Variants in SMARCB1 observed in about 807,000 individuals in gnomAD.
The protein encoded by SMARCB1 is SWI/SNF related BAF chromatin remodeling complex subunit B1, also known as SWI/SNF-related matrix-associated actin-dependent regulator of chromatin subfamily B member 1.
Under a neutral mutation model 49.0 loss-of-function variants are expected in SMARCB1, and 5 were observed. The observed-to-expected ratio is 0.10, with a 90% confidence interval of 0.05 to 0.21. The LOEUF is 0.21. Among genes scored for constraint, SMARCB1 ranks in the 10% least tolerant of loss-of-function variants. The pLI, the probability that SMARCB1 is intolerant of heterozygous loss-of-function variation, is 1.00. For missense variants in SMARCB1, 226 were observed against 509.2 expected (o/e 0.44, Z 5.35); for synonymous variants, 201 against 200.1 (o/e 1.00, Z -0.04).
intron 5 of SMARCB1, among the ~76,000 whole-genome samples, chr22:23,811,355 G>C (rs1929859322): frequency 6.6e-6 from 1 of 152,146 alleles, no homozygotes; most frequent in African/African-American, 2.4e-5. Context: ...TGGAAAATCA[G>C]CAAAACGATG....
At chr22:23,820,547 C>T (rs116230375) in intron 6 of SMARCB1, among the ~76,000 whole-genome samples, 18,837 of 152,232 alleles carry the variant, frequency 0.12, 1,252 homozygotes, top group South Asian at 0.27. Flanking sequence ...GCAGTCCAGC[C>T]TGGCTGACAG....
intron 7 of SMARCB1, among the ~76,000 whole-genome samples, chr22:23,829,455 G>C (rs1006317841): frequency 1.3e-5 from 2 of 152,182 alleles, no homozygotes; most frequent in African/African-American, 4.8e-5. Flanking sequence ...ACACGTACAG[G>C]GTGGGGATGA....
chr22:23,837,111 G>T lies in SMARCB1; in HGVS notation c.*2931G>T, dbSNP rs763235393. On this transcript the variant is annotated 3_prime_UTR_variant, in exon 9 of 9. Coordinates refer to ENST00000644036, the MANE Select transcript of SMARCB1 (RefSeq NM_003073.5). ...GCCTCTTGCCTCCAGGCTGGTTGGG[G>T]AAGACGTCCTCCAGGAAGTAGTAGA... The T allele has an allele frequency of 1.1e-5, 17 of 1,614,004 alleles. 1 individual carries two copies. In the South Asian group the frequency reaches 1.9e-4, roughly 18 times the overall value.
intron 5 of SMARCB1, among the ~76,000 whole-genome samples, chr22:23,812,360 G>T (rs529776001): frequency 2.6e-5 from 4 of 152,010 alleles, no homozygotes; most frequent in Non-Finnish European, 4.4e-5. Context: ...AAATCTCTGG[G>T]CCCATATGAT....
At position 23,798,988 on chromosome 22, in the gene SMARCB1, T is replaced by G. The variant is rs143657841; in HGVS notation, c.363-1956T>G. Among the ~76,000 whole-genome samples, 419 of 149,692 alleles carry G rather than the reference T, an allele frequency of 2.8e-3. 2 individuals are homozygous for G. The highest frequency in any genetic ancestry group is 9.5e-3 in the African/African-American group (386 of 40,574). ...TGGCGTGAACCCGGGAGGCAGACCTTGCATTGAGCCCAGATGGCGCCACTG... is the reference window on the plus strand; with the variant it reads ...TGGCGTGAACCCGGGAGGCAGACCTGGCATTGAGCCCAGATGGCGCCACTG... On this transcript the variant is annotated intron_variant, in intron 3 of 8. Coordinates refer to ENST00000644036, the MANE Select transcript of SMARCB1 (RefSeq NM_003073.5).
intron 3 of SMARCB1, 25 bp from the exon 4 acceptor site, chr22:23,800,919 G>A (rs760955141): frequency 3.1e-6 from 5 of 1,587,550 alleles, no homozygotes; most frequent in Non-Finnish European, 3.5e-6. Flanking sequence ...TACTGACTGG[G>A]AGGACTTTTC....
chr22:23,834,732 A>T lies in SMARCB1; in HGVS notation c.*552A>T. On this transcript the variant is annotated 3_prime_UTR_variant, in exon 9 of 9. Transcript: ENST00000644036. ...GCTCCCCTCAGCCTGTTCTCCTTCC[A>T]GACCCAGAGAGCTGAGAAGAGTAGC... is the stretch of plus-strand genomic sequence containing the variant. 1 of 1,466,926 alleles carries T rather than the reference A, an allele frequency of 6.8e-7. No homozygotes were observed. The highest frequency in any genetic ancestry group is 1.4e-5 in the African/African-American group (1 of 71,182). The allele number at this position is 1,466,926 out of a possible 1,614,324, so 90.9% of individuals were successfully genotyped here. A position where few individuals can be genotyped will look rare whatever the true frequency, so the allele number is the denominator to read the frequency against.
At chr22:23,810,658 G>A (rs2145997115) in intron 5 of SMARCB1, among the ~76,000 whole-genome samples, 1 of 152,214 alleles carries the variant, frequency 6.6e-6, no homozygotes, top group East Asian at 1.9e-4. Flanking sequence ...CTCCTCTTGG[G>A]TTTAACAAAT....
intron 6 of SMARCB1, chr22:23,824,941 G>A (rs1385282660): frequency 7.5e-6 from 4 of 535,876 alleles, no homozygotes; most frequent in Non-Finnish European, 1.4e-5. Flanking sequence ...GGGCACAGGG[G>A]AGATGGGATG....
intron 3 of SMARCB1, among the ~76,000 whole-genome samples, chr22:23,799,023 C>T (rs1397213449): frequency 2.0e-5 from 3 of 150,660 alleles, no homozygotes; most frequent in South Asian, 2.1e-4. Flanking sequence ...GTACTCCAGC[C>T]CAGGCGACAG....
At chr22:23,798,087 G>C (rs1928892605) in intron 3 of SMARCB1, among the ~76,000 whole-genome samples, 2 of 150,394 alleles carry the variant, frequency 1.3e-5, no homozygotes, top group Admixed American at 1.3e-4. Flanking sequence ...CAGGGGCTCA[G>C]CCCAGGCTCT....
intron 4 of SMARCB1, 143 bp from the exon 5 acceptor site, chr22:23,803,152 C>A: frequency 9.1e-7 from 1 of 1,096,128 alleles, no homozygotes; most frequent in Non-Finnish European, 1.4e-6. Context: ...CTAGCCTCGT[C>A]TGCTGCCTCA....
chr22:23,834,439 G>A lies in SMARCB1; in HGVS notation c.*259G>A. The A allele has an allele frequency of 3.2e-6, 2 of 621,848 alleles. No individual in the cohort carries two copies. The highest frequency in any genetic ancestry group is 5.8e-6 in the Non-Finnish European group (2 of 343,904). 38.5% of individuals were successfully genotyped at this position (621,848 alleles called of 1,614,324 possible). A position where few individuals can be genotyped will look rare whatever the true frequency, so the allele number is the denominator to read the frequency against. ...GAAACCTTATTTTAGGTTGTGTTTT[G>A]TTTTTGTATAGGAGCCCCAGGCAGG... On this transcript the variant is annotated 3_prime_UTR_variant, in exon 9 of 9. Coordinates refer to ENST00000644036, the MANE Select transcript of SMARCB1 (RefSeq NM_003073.5).
At chr22:23,822,590 G>A (rs1040471818) in intron 6 of SMARCB1, among the ~76,000 whole-genome samples, 10 of 152,180 alleles carry the variant, frequency 6.6e-5, no homozygotes, top group Non-Finnish European at 1.3e-4. Context: ...CTCTGTGGAA[G>A]CCAAGCCTGT....
At position 23,837,050 on chromosome 22, in the gene SMARCB1, C is replaced by A. The variant is rs372803050; in HGVS notation, c.*2870C>A. 4.8e-5 allele frequency: 77 copies of A among 1,613,594 alleles called. No homozygotes were observed. The highest frequency in any genetic ancestry group is 6.4e-5 in the Non-Finnish European group (75 of 1,179,768). The stretch of plus-strand genomic sequence containing the variant: ...TGAGGGTGGGGAGAGGGAGGGAGGG[C>A]TCTCAACACTCACAGGAAGCCAGGG... On this transcript the variant is annotated 3_prime_UTR_variant, in exon 9 of 9. Transcript: ENST00000644036.
Position 23,834,944 on chromosome 22 carries a change from C to T in SMARCB1, c.*764C>T, listed in dbSNP as rs2030924158. The T allele has an allele frequency of 2.5e-6, 4 of 1,598,572 alleles. No homozygotes were observed. The highest frequency in any genetic ancestry group is 3.4e-6 in the Non-Finnish European group (4 of 1,174,458). On this transcript the variant is annotated 3_prime_UTR_variant, in exon 9 of 9. Transcript: ENST00000644036. ...TGCTCTGAAGTCCCCTGCGGAGGGC[C>T]CAGTCCTGTGTGGGCACTGCTGGGC... is the stretch of plus-strand genomic sequence containing the variant.
intron 3 of SMARCB1, 57 bp downstream of exon 3, chr22:23,793,745 C>A (rs1349051098): frequency 1.3e-6 from 2 of 1,503,724 alleles, no homozygotes; most frequent in Non-Finnish European, 1.9e-6. Flanking sequence ...TTTTCTGAGA[C>A]TCAAGAACTG....
intron 5 of SMARCB1, among the ~76,000 whole-genome samples, chr22:23,811,231 A>G (rs946545049): frequency 4.6e-5 from 7 of 152,224 alleles, no homozygotes; most frequent in Non-Finnish European, 2.9e-5. Flanking sequence ...ACAGAGCTGG[A>G]AAATATGTGA....
intron 7 of SMARCB1, among the ~76,000 whole-genome samples, chr22:23,829,613 C>T (rs771661211): frequency 2.6e-5 from 4 of 152,072 alleles, no homozygotes; most frequent in East Asian, 1.9e-4. Flanking sequence ...AGGTTCCTTC[C>T]GAAGCTCTGC....
Sources: gnomAD v4.1 joint callset for allele counts (sites outside exome capture counted in the v4.1 genomes callset) on GRCh38, gnomAD v4.1.1 for gene constraint, MANE v1.5 for transcripts, NCBI Gene and HGNC (gene_info 2026-07-23, HGNC 2026-07-21) for gene names.